IGSF21: variants seen among roughly 807,000 people sequenced by gnomAD.
IGSF21 encodes the protein immunoglobin superfamily member 21.
Under a neutral mutation model 46.8 loss-of-function variants are expected in IGSF21, and 28 were observed. That is an observed-to-expected ratio of 0.60 (90% CI 0.44 to 0.82). IGSF21 has a LOEUF of 0.82. Ranked by LOEUF, IGSF21 falls within the 40% of genes least tolerant of loss-of-function variation. The probability of loss-of-function intolerance (pLI) is 0.00; values close to 1 mark genes in which losing one functional copy is unlikely to be tolerated. For synonymous variants in IGSF21, 284 were observed against 273.6 expected (o/e 1.04, Z -0.38); for missense variants, 624 against 665.5 (o/e 0.94, Z 0.69).
At chr1:18,249,984 A>G (rs1417470986) in intron 2 of IGSF21, among the ~76,000 whole-genome samples, 1 of 151,868 alleles carries the variant, frequency 6.6e-6, no homozygotes, top group Admixed American at 6.6e-5. Context: ...AGAGGTGTGG[A>G]CACGGAGGAG....
intron 4 of IGSF21, among the ~76,000 whole-genome samples, chr1:18,353,425 C>T (rs2085981415): frequency 1.3e-5 from 2 of 152,104 alleles, no homozygotes; most frequent in African/African-American, 2.4e-5. Context: ...TTGAGCAAAT[C>T]CTGGTGTGCC....
chr1:18,118,965 C>A lies in IGSF21; in HGVS notation c.70+10767C>A, dbSNP rs76870786. ...CTTCTTTCCTTGTCTGATTGAGGAA[C>A]TGAATTTTGTTGAAATCAGCTAAAT... On this transcript the variant is annotated intron_variant, in intron 1 of 9. Transcript: ENST00000251296. Among the ~76,000 whole-genome samples, 220 of 131,730 alleles carry A rather than the reference C, an allele frequency of 1.7e-3. 7 individuals carry two copies. In the East Asian group the frequency reaches 0.048, roughly 29 times the overall value. The allele number at this position is 131,730 out of a possible 152,430, so 86.4% of individuals were successfully genotyped here.
At chr1:18,243,703 C>T (rs531097440) in intron 2 of IGSF21, among the ~76,000 whole-genome samples, 2 of 152,332 alleles carry the variant, frequency 1.3e-5, no homozygotes, top group Non-Finnish European at 2.9e-5. Context: ...TCCCACCACA[C>T]CAGCCTCATT....
At chr1:18,165,947 T>G (rs576556831) in intron 1 of IGSF21, among the ~76,000 whole-genome samples, 30 of 152,324 alleles carry the variant, frequency 2.0e-4, no homozygotes, top group African/African-American at 7.2e-4. Context: ...ATACAAAATG[T>G]GAGGTCCCAT....
At chr1:18,264,305 G>A (rs192456517) in intron 2 of IGSF21, among the ~76,000 whole-genome samples, 61 of 152,182 alleles carry the variant, frequency 4.0e-4, no homozygotes, top group Non-Finnish European at 7.6e-4. Flanking sequence ...CTTTCTGCCC[G>A]GCCCCCAACC....
chr1:18,108,896 G>C (rs1445453600), intron 1 of IGSF21, among the ~76,000 whole-genome samples: 1 of 151,422 alleles, frequency 6.6e-6, no homozygotes, highest in African/African-American at 2.4e-5. Context: ...CATGGGGCTG[G>C]GAGTGTGTGT....
chr1:18,263,919 T>A (rs1453264794), intron 2 of IGSF21, among the ~76,000 whole-genome samples: 1 of 152,202 alleles, frequency 6.6e-6, no homozygotes, highest in African/African-American at 2.4e-5. Flanking sequence ...ATTTAATATC[T>A]AAGTGGAAGC....
intron 4 of IGSF21, among the ~76,000 whole-genome samples, chr1:18,358,902 C>G (rs1273453753): frequency 6.6e-6 from 1 of 152,154 alleles, no homozygotes; most frequent in Non-Finnish European, 1.5e-5. Flanking sequence ...TATAGTCATA[C>G]ACTAATTAAA....
At chr1:18,311,100 AT>A (rs1333658073) in intron 3 of IGSF21, among the ~76,000 whole-genome samples, 18 of 152,212 alleles carry the variant, frequency 1.2e-4, no homozygotes, top group African/African-American at 4.3e-4. Flanking sequence ...GGGGAGCGCA[AT>A]TCACCCTACA....
chr1:18,252,988 A>T (rs1483594798), intron 2 of IGSF21, among the ~76,000 whole-genome samples: 1 of 152,066 alleles, frequency 6.6e-6, no homozygotes. Flanking sequence ...GGAAGTAATT[A>T]ATTGGAAGAA....
At chr1:18,318,994 A>G (rs1317789161) in intron 3 of IGSF21, among the ~76,000 whole-genome samples, 1 of 152,180 alleles carries the variant, frequency 6.6e-6, no homozygotes, top group Non-Finnish European at 1.5e-5. Flanking sequence ...ACCACTCTGT[A>G]TTGTCTGAAA....
chr1:18,326,939 G>A (rs961902780), intron 3 of IGSF21, among the ~76,000 whole-genome samples: 4 of 152,190 alleles, frequency 2.6e-5, no homozygotes, highest in African/African-American at 9.7e-5. Context: ...CAAAAATGGA[G>A]AGGTTCTGGG....
At chr1:18,139,549 T>A (rs2086396179) in intron 1 of IGSF21, among the ~76,000 whole-genome samples, 1 of 152,192 alleles carries the variant, frequency 6.6e-6, no homozygotes, top group East Asian at 1.9e-4. Flanking sequence ...TGCAGTGCTG[T>A]CGTCAGGTCA....
chr1:18,187,616 A>G (rs540694678), intron 1 of IGSF21, among the ~76,000 whole-genome samples: 65 of 152,324 alleles, frequency 4.3e-4, no homozygotes, highest in Admixed American at 9.2e-4. Flanking sequence ...CCCACAACAC[A>G]TAGGAATTAT....
intron 4 of IGSF21, among the ~76,000 whole-genome samples, chr1:18,342,529 C>A (rs1569847345): frequency 1.3e-5 from 2 of 152,314 alleles, no homozygotes; most frequent in East Asian, 3.9e-4. Flanking sequence ...AATTTTAGAA[C>A]ATTTTCATCG....
chr1:18,121,409 G>A (rs972716032), intron 1 of IGSF21, among the ~76,000 whole-genome samples: 14 of 151,492 alleles, frequency 9.2e-5, no homozygotes, highest in South Asian at 2.1e-4. Flanking sequence ...CTTTTCTCAC[G>A]ATCCTCTATT....
rs1353263462 is a variant in IGSF21 at position 18,183,040 on chromosome 1, C to A, written c.71-44858C>A. Among the ~76,000 whole-genome samples, 5 of 152,184 alleles carry A rather than the reference C, an allele frequency of 3.3e-5. No individual in the cohort carries two copies. The South Asian group carries it at 6.2e-4, about 19-fold the overall frequency. On this transcript the variant is annotated intron_variant, in intron 1 of 9. Coordinates refer to ENST00000251296, the MANE Select transcript of IGSF21 (RefSeq NM_032880.5). ...GCATTACAGGAAGCCACCCTGCCCC[C>A]TCCTGGGCCTGGCTGCCCTCGCCTC...
chr1:18,304,720 C>T (rs708082), intron 3 of IGSF21, among the ~76,000 whole-genome samples: 39,151 of 125,066 alleles, frequency 0.31, 5,315 homozygotes, highest in African/African-American at 0.41. Flanking sequence ...CACACACACA[C>T]ACACACACAT....
intron 1 of IGSF21, among the ~76,000 whole-genome samples, chr1:18,135,492 A>G (rs1207290284): frequency 1.4e-5 from 2 of 142,596 alleles, no homozygotes; most frequent in East Asian, 2.1e-4. Flanking sequence ...ATTCCCACCT[A>G]TGAGTGAGAA....
Sources: gnomAD v4.1 joint callset for allele counts (sites outside exome capture counted in the v4.1 genomes callset) on GRCh38, gnomAD v4.1.1 for gene constraint, MANE v1.5 for transcripts, NCBI Gene and HGNC (gene_info 2026-07-23, HGNC 2026-07-21) for gene names.